CPM: variants seen among roughly 807,000 people sequenced by gnomAD.
CPM encodes the protein carboxypeptidase M, also known as renal carboxypeptidase.
CPM carries 35 observed loss-of-function variants against 46.4 expected under a neutral mutation model. The observed-to-expected ratio is 0.75, with a 90% confidence interval of 0.58 to 1.00. The LOEUF (loss-of-function observed/expected upper bound fraction) is 1.00, where lower values mean the gene tolerates loss of function less well. Ranked by LOEUF, CPM falls within the 50% of genes least tolerant of loss-of-function variation. CPM has a pLI of 0.00. For synonymous variants in CPM, 195 were observed against 195.3 expected, an observed-to-expected ratio of 1.00 and a Z score of 0.01; for missense variants, 422 against 530.4, an observed-to-expected ratio of 0.80 and a Z score of 2.01.
chr12:68,958,248 A>C (rs1258047111), intron 1 of CPM, among the ~76,000 whole-genome samples: 1 of 152,152 alleles, frequency 6.6e-6, no homozygotes, highest in African/African-American at 2.4e-5. Flanking sequence ...CTAGTTCTAG[A>C]TCCTTGAGGA....
chr12:68,909,351 T>C (rs1887484123), intron 2 of CPM, among the ~76,000 whole-genome samples: 1 of 152,094 alleles, frequency 6.6e-6, no homozygotes, highest in Admixed American at 6.5e-5. Context: ...CCATGCTCAG[T>C]GAAAATGCAA....
chr12:68,958,806 T>C (rs997148951), intron 1 of CPM, among the ~76,000 whole-genome samples: 19 of 152,144 alleles, frequency 1.2e-4, no homozygotes, highest in Non-Finnish European at 2.1e-4. Context: ...AGACGCTATA[T>C]GAACTATCCC....
At chr12:68,891,601 G>A (rs1452388842) in intron 2 of CPM, among the ~76,000 whole-genome samples, 2 of 152,216 alleles carry the variant, frequency 1.3e-5, no homozygotes, top group Non-Finnish European at 2.9e-5. Flanking sequence ...TTCTCAAAGT[G>A]TGGTCATGGT....
At chr12:68,914,636 C>T (rs757518056) in intron 2 of CPM, among the ~76,000 whole-genome samples, 7 of 152,172 alleles carry the variant, frequency 4.6e-5, no homozygotes, top group Non-Finnish European at 7.3e-5. Flanking sequence ...ACATTCTGAA[C>T]AATTAATGTT....
At chr12:68,959,594 G>A (rs1889079031) in intron 1 of CPM, among the ~76,000 whole-genome samples, 1 of 152,240 alleles carries the variant, frequency 6.6e-6, no homozygotes, top group South Asian at 2.1e-4. Context: ...GCTGCATGGG[G>A]GCATTGCCCA....
intron 3 of CPM, among the ~76,000 whole-genome samples, chr12:68,879,955 T>G (rs1464813745): frequency 6.6e-6 from 1 of 152,052 alleles, no homozygotes; most frequent in Non-Finnish European, 1.5e-5. Context: ...GTATTGGTTA[T>G]AGTTTACTAC....
chr12:68,856,407 G>A lies in CPM; in HGVS notation c.*30C>T, dbSNP rs1884971346. 6.3e-7 allele frequency: 1 copy of A among 1,599,578 alleles called. No individual in the cohort carries two copies. The stretch of plus-strand genomic sequence containing the variant: ...GAGTGAGCAATCCCTGATTCCAGGT[G>A]GTGATGTGGGTTGAGTTTCACATTT... On this transcript the variant is annotated 3_prime_UTR_variant, in exon 9 of 9. Coordinates refer to ENST00000551568, the MANE Select transcript of CPM (RefSeq NM_198320.5).
chr12:68,848,997 C>T (rs1423242797), downstream of CPM: 1 of 151,928 alleles, frequency 6.6e-6, no homozygotes, highest in Non-Finnish European at 1.5e-5. Flanking sequence ...AGGCATGAGC[C>T]ACCGCACCCA....
In CPM at chr12:68,940,787, A is replaced by G. The variant is rs545304438; in HGVS notation, c.-3-7947T>C. ...GTTGCAAATTTTTCTTTATGATAAA[A>G]GATGGCCCTTTATTCTGAGACCATG... On this transcript the variant is annotated intron_variant, in intron 1 of 8. Transcript: ENST00000546373. Among the ~76,000 whole-genome samples the G allele has an allele frequency of 3.9e-5, 6 of 152,236 alleles. No homozygotes were observed. The East Asian group carries it at 1.2e-3, about 29-fold the overall frequency.
chr12:68,941,118 G>A (rs755997243), intron 1 of CPM, among the ~76,000 whole-genome samples: 13 of 151,398 alleles, frequency 8.6e-5, no homozygotes, highest in Non-Finnish European at 1.6e-4. Flanking sequence ...TGTTCCATTG[G>A]TCAATTTGTG....
chr12:68,953,184 CAA>C (rs1301995143), intron 1 of CPM, among the ~76,000 whole-genome samples: 3 of 152,062 alleles, frequency 2.0e-5, no homozygotes, highest in South Asian at 2.1e-4. Flanking sequence ...GAAAGGAGCT[CAA>C]GGTAGTACAC....
chr12:68,928,911 AT>A (rs5798912), intron 2 of CPM, among the ~76,000 whole-genome samples: 73,636 of 144,126 alleles, frequency 0.51, 18,976 homozygotes, highest in South Asian at 0.61. Flanking sequence ...GGTTAATTAA[AT>A]TTTTTTTTTT....
chr12:68,912,020 A>G (rs1303448585), intron 2 of CPM: 2 of 152,102 alleles, frequency 1.3e-5, no homozygotes, highest in Non-Finnish European at 2.9e-5. Context: ...TATTATTATT[A>G]TTTTGAGACA....
At chr12:68,942,921 T>C (rs1888787283) in intron 1 of CPM, among the ~76,000 whole-genome samples, 1 of 152,136 alleles carries the variant, frequency 6.6e-6, no homozygotes, top group Non-Finnish European at 1.5e-5. Context: ...TGAGAAACAA[T>C]GTCAGGAAAA....
Position 68,908,723 on chromosome 12 carries a change from C to T in CPM, c.161-22834G>A, listed in dbSNP as rs771425518. The stretch of plus-strand genomic sequence containing the variant: ...TTTATGACCTTGGGGGAAAGAGGGC[C>T]TTTTTAAGTGAGGCATGGAACATAA... On this transcript the variant is annotated intron_variant, in intron 2 of 8. Coordinates refer to ENST00000551568, the MANE Select transcript of CPM (RefSeq NM_198320.5). 2.0e-5 allele frequency among the ~76,000 whole-genome samples: 3 copies of T among 151,898 alleles called. No individual in the cohort carries two copies. The South Asian group carries it at 6.2e-4, about 32-fold the overall frequency.
chr12:68,847,183 ATGTG>A (rs1429852956), downstream of CPM: 1 of 60,156 alleles, frequency 1.7e-5, no homozygotes, highest in African/African-American at 9.8e-5. Context: ...TTATGTATGT[ATGTG>A]TGTGTACATT....
At chr12:68,871,734 G>A (rs750671028) in intron 4 of CPM, 50 bp downstream of exon 4, 2 of 1,597,140 alleles carry the variant, frequency 1.3e-6, no homozygotes, top group Non-Finnish European at 1.7e-6. Flanking sequence ...CCTGTCGGGA[G>A]CCTTTGTGTT....
chr12:68,900,382 A>C (rs1460094767), intron 2 of CPM, among the ~76,000 whole-genome samples: 1 of 152,204 alleles, frequency 6.6e-6, no homozygotes, highest in African/African-American at 2.4e-5. Context: ...AACACTGACA[A>C]CACCAAATAC....
At chr12:68,957,186 A>C (rs1239829955) in intron 1 of CPM, among the ~76,000 whole-genome samples, 1 of 152,186 alleles carries the variant, frequency 6.6e-6, no homozygotes. Context: ...CACTATTCAA[A>C]GCAGGTTCCC....
Sources: gnomAD v4.1 joint callset for allele counts (sites outside exome capture counted in the v4.1 genomes callset) on GRCh38, gnomAD v4.1.1 for gene constraint, MANE v1.5 for transcripts, NCBI Gene and HGNC (gene_info 2026-07-23, HGNC 2026-07-21) for gene names.